Variants in RASGRF2 observed in about 807,000 individuals in gnomAD.
The protein encoded by RASGRF2 is ras-specific guanine nucleotide-releasing factor 2.
Under a neutral mutation model 151.0 loss-of-function variants are expected in RASGRF2, and 76 were observed. That is an observed-to-expected ratio of 0.50 (90% CI 0.42 to 0.61). The LOEUF is 0.61. Among genes scored for constraint, RASGRF2 ranks in the 20% least tolerant of loss-of-function variants. The pLI, the probability that RASGRF2 is intolerant of heterozygous loss-of-function variation, is 0.00. For synonymous variants in RASGRF2, 504 were observed against 566.5 expected (o/e 0.89, Z 1.57); for missense variants, 1,148 against 1,564.6 (o/e 0.73, Z 4.49).
Position 81,080,609 on chromosome 5 carries a change from T to C in RASGRF2, c.981T>C (p.Asp327=). ...WPTLILADLF[D]ILLPMLNIYQ... ...GTTTCTTTGCAGCTGATCTGTTTGA[T>C]ATTTTGCTCCCCATGCTGAACATTT... The change falls in exon 7 of 27, where the codon GAT becomes GAC. Residue 327 remains aspartate (D), a synonymous_variant. Transcript: ENST00000265080. 1 of 1,613,834 alleles carries C rather than the reference T, an allele frequency of 6.2e-7. No individual in the cohort carries two copies.
chr5:81,193,180 G>A (rs867171840), intron 18 of RASGRF2, among the ~76,000 whole-genome samples: 3 of 152,140 alleles, frequency 2.0e-5, no homozygotes, highest in Admixed American at 6.6e-5. Context: ...ATGTCCTAGA[G>A]TTCCCTTGGC....
chr5:81,027,719 C>T (rs1299999889), intron 1 of RASGRF2, among the ~76,000 whole-genome samples: 1 of 152,200 alleles, frequency 6.6e-6, no homozygotes, highest in African/African-American at 2.4e-5. Context: ...TCTTGTCAGT[C>T]TAAAAGTGTA....
intron 22 of RASGRF2, among the ~76,000 whole-genome samples, chr5:81,208,885 TGAC>T (rs1035111162): frequency 6.6e-6 from 1 of 152,134 alleles, no homozygotes; most frequent in Non-Finnish European, 1.5e-5. Context: ...GATGGGATAT[TGAC>T]GACAAGCTTA....
At chr5:81,204,752 T>C (rs892294458) in intron 19 of RASGRF2, among the ~76,000 whole-genome samples, 1 of 152,216 alleles carries the variant, frequency 6.6e-6, no homozygotes, top group African/African-American at 2.4e-5. Context: ...GCTCAGGTCA[T>C]AGAAAAGTCA....
intron 12 of RASGRF2, among the ~76,000 whole-genome samples, chr5:81,104,491 C>A (rs977771138): frequency 6.6e-6 from 1 of 151,884 alleles, no homozygotes; most frequent in African/African-American, 2.4e-5. Flanking sequence ...CATTTTTCAT[C>A]GTTTTTGTGA....
In RASGRF2 at chr5:81,193,777, C is replaced by T. The variant is rs117039124; in HGVS notation, c.2794-7553C>T. 0.015 allele frequency among the ~76,000 whole-genome samples: 2,279 copies of T among 152,256 alleles called. 89 individuals carry two copies. The East Asian group carries it at 0.16, about 11-fold the overall frequency. On this transcript the variant is annotated intron_variant, in intron 18 of 26. Transcript: ENST00000265080. ...GGTAGATTCACCCGCCTCAGCCTCCCGTAGTGCTGGGATTACTGGCATGAG... is the reference window on the plus strand; with the variant it reads ...GGTAGATTCACCCGCCTCAGCCTCCTGTAGTGCTGGGATTACTGGCATGAG...
At chr5:81,216,386 A>ACAC (rs1561264589) in intron 24 of RASGRF2, among the ~76,000 whole-genome samples, 3 of 114,188 alleles carry the variant, frequency 2.6e-5, no homozygotes, top group African/African-American at 1.0e-4. Context: ...CACACACACA[A>ACAC]ACACACACAC....
At chr5:81,201,502 A>G in intron 19 of RASGRF2, 60 bp downstream of exon 19, 1 of 1,523,872 alleles carries the variant, frequency 6.6e-7, no homozygotes, top group Non-Finnish European at 8.9e-7. Context: ...ATGTTCATAG[A>G]AAATAAGAGC....
chr5:81,159,167 C>CAATATAAAGGAAT (rs1754325800), intron 17 of RASGRF2, among the ~76,000 whole-genome samples: 1 of 152,020 alleles, frequency 6.6e-6, no homozygotes, highest in African/African-American at 2.4e-5. Context: ...AAATGTTCTG[C>CAATATAAAGGAAT]AATAAAAAGG....
intron 19 of RASGRF2, among the ~76,000 whole-genome samples, chr5:81,201,788 G>GT (rs1755401651): frequency 6.6e-6 from 1 of 152,336 alleles, no homozygotes; most frequent in Admixed American, 6.5e-5. Context: ...CCTGTGGGTT[G>GT]TAATTGTTTA....
intron 26 of RASGRF2, among the ~76,000 whole-genome samples, chr5:81,222,502 TC>T (rs1474435664): frequency 1.3e-5 from 2 of 152,200 alleles, no homozygotes; most frequent in Non-Finnish European, 2.9e-5. Flanking sequence ...TTCCTAACTT[TC>T]CCAATCCCCA....
At chr5:81,038,692 C>CA (rs1750587994) in intron 1 of RASGRF2, among the ~76,000 whole-genome samples, 1 of 149,780 alleles carries the variant, frequency 6.7e-6, no homozygotes, top group Non-Finnish European at 1.5e-5. Flanking sequence ...CCTCCTGCCT[C>CA]AGCCTCCCAG....
chr5:81,146,300 T>C lies in RASGRF2; in HGVS notation c.2686+19137T>C, dbSNP rs535539809. On this transcript the variant is annotated intron_variant, in intron 17 of 26. Coordinates refer to ENST00000265080, the MANE Select transcript of RASGRF2 (RefSeq NM_006909.3). Reference sequence around the variant, plus strand: ...GAGAGGAGCCTCCCCTGTGTAGCTATTGTCTGTGTGTAAGGCTGAATTTTA... The same window carrying C: ...GAGAGGAGCCTCCCCTGTGTAGCTACTGTCTGTGTGTAAGGCTGAATTTTA... Among the ~76,000 whole-genome samples, 12 of 152,324 alleles carry C rather than the reference T, an allele frequency of 7.9e-5. 1 individual carries two copies. The South Asian group carries it at 2.5e-3, about 32-fold the overall frequency.
At chr5:81,000,185 G>C (rs542266061) in intron 1 of RASGRF2, among the ~76,000 whole-genome samples, 2 of 152,328 alleles carry the variant, frequency 1.3e-5, no homozygotes, top group African/African-American at 4.8e-5. Context: ...TGTGTAAGCA[G>C]CCCACCTGCC....
In RASGRF2 at chr5:81,113,707, T is replaced by C. The variant is rs34193571; in HGVS notation, c.2257T>C (p.Ser753Pro). ...RKLSLTSPLN[S>P]KIGALDLTTS... ...GCTGTCTTTGACTTCTCCCTTGAAC[T>C]CAAAGATAGGAGCATTGGACCTGAC... is the stretch of plus-strand genomic sequence containing the variant. Residue 753 changes from serine (S) to proline (P), a missense_variant, in exon 15 of 27, where the codon TCA (serine) becomes CCA (proline). Ser to Pro is a moderately conservative substitution (Grantham distance 74). Around this residue, in one of 5 missense-constraint regions of RASGRF2, gnomAD observed 646 missense variants for 807.4 expected, o/e 0.80. Transcript: ENST00000265080. 119,487 of 1,613,626 alleles carry C rather than the reference T, an allele frequency of 0.074. 4,963 individuals are homozygous for C. The highest frequency in any genetic ancestry group is 0.12 in the Middle Eastern group (734 of 6,060).
chr5:81,106,907 C>T (rs534640082), intron 12 of RASGRF2, among the ~76,000 whole-genome samples: 1 of 152,224 alleles, frequency 6.6e-6, no homozygotes, highest in South Asian at 2.1e-4. Flanking sequence ...GCAGCCCCTG[C>T]TTTTTTCTAG....
chr5:81,152,960 T>C (rs1754171166), intron 17 of RASGRF2, among the ~76,000 whole-genome samples: 1 of 152,110 alleles, frequency 6.6e-6, no homozygotes, highest in African/African-American at 2.4e-5. Flanking sequence ...GTTGGAAACA[T>C]TAGCAATCTC....
chr5:81,044,673 A>G (rs1750781459), intron 2 of RASGRF2, among the ~76,000 whole-genome samples: 2 of 152,314 alleles, frequency 1.3e-5, no homozygotes, highest in African/African-American at 4.8e-5. Flanking sequence ...GGAGAAAACA[A>G]AAATTTGTGA....
At chr5:81,079,761 C>A (rs1392673862) in intron 5 of RASGRF2, among the ~76,000 whole-genome samples, 1 of 152,004 alleles carries the variant, frequency 6.6e-6, no homozygotes, top group Non-Finnish European at 1.5e-5. Context: ...GAAACTTTCT[C>A]CTGAGTTATC....
Sources: gnomAD v4.1 joint callset for allele counts (sites outside exome capture counted in the v4.1 genomes callset) on GRCh38, gnomAD v4.1.1 for gene constraint, gnomAD v4.1.1 regional missense constraint, MANE v1.5 for transcripts, NCBI Gene and HGNC (gene_info 2026-07-23, HGNC 2026-07-21) for gene names.